GYS1: variants seen among roughly 807,000 people sequenced by gnomAD.
The protein encoded by GYS1 is glycogen [starch] synthase, muscle.
In GYS1, 60 loss-of-function variants were observed where a neutral mutation model predicts 89.1. The ratio of observed to expected loss-of-function variants is 0.67; its 90% confidence interval spans 0.55 to 0.84. The LOEUF (loss-of-function observed/expected upper bound fraction) is 0.84. GYS1 is among the 40% of genes least tolerant of loss of function. GYS1 has a pLI of 0.00. For synonymous variants in GYS1, 366 were observed against 401.7 expected (o/e 0.91, Z 1.06); for missense variants, 888 against 1,003.1 (o/e 0.89, Z 1.55).
chr19:48,986,059 ACT>A (rs1369640079), intron 3 of GYS1, 24 bp from the exon 4 acceptor site: 2 of 1,609,098 alleles, frequency 1.2e-6, no homozygotes, highest in African/African-American at 2.7e-5. Context: ...GGACAGGGCC[ACT>A]GTCTCCACGA....
intron 14 of GYS1, chr19:48,970,209 C>A (rs1040401666): frequency 2.2e-6 from 1 of 450,006 alleles, no homozygotes; most frequent in Non-Finnish European, 4.0e-6. Flanking sequence ...ACTGCAGCCT[C>A]AACCTCCGGG....
chr19:48,988,979 C>T (rs1260103688), intron 2 of GYS1, among the ~76,000 whole-genome samples: 1 of 152,168 alleles, frequency 6.6e-6, no homozygotes, highest in East Asian at 1.9e-4. Flanking sequence ...ACATATCTGT[C>T]ACCTGCGACC....
Position 48,985,883 on chromosome 19 carries a change from G to C in GYS1, c.645C>G (p.Ala215=), listed in dbSNP as rs371721154. Residue 215 remains alanine (A), a synonymous_variant, in exon 4 of 16, where the codon GCC becomes GCG. Transcript: ENST00000323798. Reference sequence around the variant, plus strand: ...GGTTGTTGTAGAAGTCCACGGCACCGGCACACAGGTAGCGCCCCAGCAGCG... The same window carrying C: ...GGTTGTTGTAGAAGTCCACGGCACCCGCACACAGGTAGCGCCCCAGCAGCG... ...HATLLGRYLC[A]GAVDFYNNLE... 5 of 1,613,744 alleles carry C rather than the reference G, an allele frequency of 3.1e-6. No homozygotes were observed. The African/African-American group carries it at 6.7e-5, about 22-fold the overall frequency.
intron 12 of GYS1, among the ~76,000 whole-genome samples, chr19:48,973,226 T>C (rs567338357): frequency 5.1e-4 from 77 of 152,274 alleles, no homozygotes; most frequent in African/African-American, 1.6e-3. Context: ...AGAAGCTTCT[T>C]TCTTCCCCTT....
chr19:48,978,025 C>A, intron 9 of GYS1, 23 bp from the exon 10 acceptor site: 1 of 1,611,342 alleles, frequency 6.2e-7, no homozygotes, highest in Non-Finnish European at 8.5e-7. Context: ...CAGGGGCATG[C>A]ATGTGAGAAC....
chr19:48,977,852 G>T, intron 10 of GYS1, 72 bp downstream of exon 10: 1 of 1,127,298 alleles, frequency 8.9e-7, no homozygotes, highest in Non-Finnish European at 1.4e-6. Context: ...TCTGGGGTCT[G>T]AGCTGGCCTG....
chr19:48,978,036 G>A lies in GYS1; in HGVS notation c.1230-34C>T, dbSNP rs28579553. The stretch of plus-strand genomic sequence containing the variant: ...CAAGCAGGGGCATGCATGTGAGAAC[G>A]GAGTAATGAGAGGGGTTAGTCAGGG... On this transcript the variant is annotated intron_variant, in intron 9 of 15. Coordinates refer to ENST00000323798, the MANE Select transcript of GYS1 (RefSeq NM_002103.5). The A allele has an allele frequency of 1.4e-3, 2,255 of 1,608,768 alleles. 35 individuals are homozygous for A. In the African/African-American group the frequency reaches 0.027, roughly 19 times the overall value.
At chr19:48,987,409 C>G in intron 2 of GYS1, 24 bp from the exon 3 acceptor site, 1 of 1,544,552 alleles carries the variant, frequency 6.5e-7, no homozygotes, top group Non-Finnish European at 8.8e-7. Flanking sequence ...GGGGAGGCAC[C>G]ATAGGGAGGC....
At position 48,974,802 on chromosome 19, in the gene GYS1, A is replaced by G. The variant is rs191096108; in HGVS notation, c.1309-69T>C. On this transcript the variant is annotated intron_variant, in intron 10 of 15. Coordinates refer to ENST00000323798, the MANE Select transcript of GYS1 (RefSeq NM_002103.5). ...AGAACTCCCTACTTCCTCATGAGCC[A>G]TGCGGACCCTGGGGGAGCCAAGGAG... 2.0e-3 allele frequency: 2,265 copies of G among 1,119,598 alleles called. 3 individuals carry two copies. Among genetic ancestry groups the G allele is most frequent in the Non-Finnish European group, 2.7e-3 (2,006 of 734,504 alleles). 69.4% of individuals were successfully genotyped at this position (1,119,598 alleles called of 1,614,324 possible). A position where few individuals can be genotyped will look rare whatever the true frequency, so the allele number is the denominator to read the frequency against.
intron 12 of GYS1, 105 bp downstream of exon 12, chr19:48,974,108 T>G (rs2038607062): frequency 1.6e-6 from 2 of 1,229,818 alleles, no homozygotes; most frequent in Non-Finnish European, 1.2e-6. Flanking sequence ...GTTCCTGTTT[T>G]GCAAAGAAGG....
In GYS1 at chr19:48,969,806, T is replaced by C. The variant is rs2038526603; in HGVS notation, c.1859A>G (p.His620Arg). Residue 620 changes from histidine (H) to arginine (R), a missense_variant, in exon 15 of 16, where the codon CAC becomes CGC. Transcript: ENST00000323798. ...CGCCTCGTTGGGCTCGTAGGTGAAG[T>C]GCTCTGGAAAGGCCTTGGACAGCGC... ...HMALSKAFPE[H>R]FTYEPNEADA... is the part of the protein sequence containing the mutation. 1.2e-6 allele frequency: 2 copies of C among 1,613,896 alleles called. No homozygotes were observed. The highest frequency in any genetic ancestry group is 3.3e-5 in the Admixed American group (2 of 60,004).
chr19:48,980,469 C>T (rs554323189), intron 8 of GYS1, among the ~76,000 whole-genome samples: 53 of 151,132 alleles, frequency 3.5e-4, no homozygotes, highest in African/African-American at 1.2e-3. Flanking sequence ...GCCTGGTCAA[C>T]GTGGTGAAAT....
chr19:48,970,140 T>C (rs907492889), intron 14 of GYS1: 9 of 512,294 alleles, frequency 1.8e-5, no homozygotes, highest in Non-Finnish European at 2.8e-5. Context: ...TTTTTTCTTT[T>C]TAAACACGGT....
rs768191787 is a variant in GYS1 at position 48,982,847 on chromosome 19, G to A, written c.824-10C>T. 6 of 1,470,168 alleles carry A rather than the reference G, an allele frequency of 4.1e-6. No homozygotes were observed. The highest frequency in any genetic ancestry group is 5.7e-6 in the Non-Finnish European group (6 of 1,048,510). 91.1% of individuals were successfully genotyped at this position (1,470,168 alleles called of 1,614,324 possible). ...TTGGGGGTCACAATATCTGGGATTG[G>A]GGGTGAGGGTCCCATGTTTTATTTG... On this transcript the variant is annotated splice_polypyrimidine_tract_variant and intron_variant, in intron 5 of 15. Coordinates refer to ENST00000323798, the MANE Select transcript of GYS1 (RefSeq NM_002103.5).
chr19:48,979,717 G>C (rs1390325114), intron 8 of GYS1, among the ~76,000 whole-genome samples: 6 of 146,660 alleles, frequency 4.1e-5, no homozygotes, highest in African/African-American at 1.5e-4. Context: ...CGCGATCTTG[G>C]CTCACTGCAA....
Position 48,987,283 on chromosome 19 carries a change from C to T in GYS1, c.403G>A (p.Asp135Asn). The T allele has an allele frequency of 1.2e-6, 2 of 1,612,936 alleles. No homozygotes were observed. Among genetic ancestry groups the T allele is most frequent in the South Asian group, 2.2e-5 (2 of 90,728 alleles). Residue 135 changes from aspartate (D) to asparagine (N), a missense_variant, in exon 3 of 16, where the codon GAT becomes AAT. Asp to Asn is a conservative substitution (Grantham distance 23). Coordinates refer to ENST00000323798, the MANE Select transcript of GYS1 (RefSeq NM_002103.5). Reference protein sequence around the residue: ...ALERWKGELWDTCNIGVPWYD... With the variant: ...ALERWKGELWNTCNIGVPWYD... ...CACGGCACTCCGATGTTGCAGGTAT[C>T]CCAGAGCTCTCCCTTCCAGCGCTCC...
intron 11 of GYS1, 54 bp downstream of exon 11, chr19:48,974,566 A>G: frequency 8.1e-7 from 1 of 1,233,562 alleles, no homozygotes; most frequent in Non-Finnish European, 1.2e-6. Flanking sequence ...GAGGCCCAGG[A>G]CCCAACCCCT....
rs1279398845 is a variant in GYS1, at chr19:48,986,043, C to A, written c.493-8G>T. ...CTCACTCTGTGCCAGGAACTGTGGG[C>A]AACAGGGACAGGGCCACTGTCTCCA... On this transcript the variant is annotated splice_region_variant and splice_polypyrimidine_tract_variant and intron_variant, in intron 3 of 15. Coordinates refer to ENST00000323798, the MANE Select transcript of GYS1 (RefSeq NM_002103.5). 6.2e-7 allele frequency: 1 copy of A among 1,613,404 alleles called. No individual in the cohort carries two copies. The highest frequency in any genetic ancestry group is 8.5e-7 in the Non-Finnish European group (1 of 1,179,750).
chr19:48,974,527 G>A, intron 11 of GYS1, 93 bp downstream of exon 11: 1 of 1,060,532 alleles, frequency 9.4e-7, no homozygotes. Flanking sequence ...CAATACCTTT[G>A]ATAAAACTTA....
Sources: allele counts gnomAD v4.1 joint callset (sites outside exome capture counted in the v4.1 genomes callset), GRCh38; gene constraint gnomAD v4.1.1; transcripts MANE v1.5; gene names NCBI Gene and HGNC (gene_info 2026-07-23, HGNC 2026-07-21).